Variants in TEAD1 observed in about 807,000 individuals in gnomAD.
TEAD1 encodes transcriptional enhancer factor TEF-1.
In TEAD1, 9 loss-of-function variants were observed where a neutral mutation model predicts 54.9. That is an observed-to-expected ratio of 0.16 (90% CI 0.10 to 0.29). TEAD1 has a LOEUF of 0.29. Among genes scored for constraint, TEAD1 ranks in the 10% least tolerant of loss-of-function variants. The probability of loss-of-function intolerance (pLI) is 1.00; values close to 1 mark genes in which losing one functional copy is unlikely to be tolerated. For synonymous variants in TEAD1, 200 were observed against 187.8 expected, an observed-to-expected ratio of 1.07 and a Z score of -0.53; for missense variants, 387 against 535.9, an observed-to-expected ratio of 0.72 and a Z score of 2.74.
At position 12,901,978 on chromosome 11, in the gene TEAD1, C is replaced by T. The variant is rs374784841; in HGVS notation, c.738C>T (p.Asn246=). The change falls in exon 10 of 13, where the codon AAC becomes AAT. Residue 246 remains asparagine, a synonymous_variant. Coordinates refer to ENST00000527636, the MANE Select transcript of TEAD1 (RefSeq NM_021961.6). ...TCTTCGTGCACATTGGGCATGCCAA[C>T]CATTCTTACAGTGACCCATTGCTTG... The T allele has an allele frequency of 1.9e-6, 3 of 1,614,212 alleles. No individual in the cohort carries two copies. Among genetic ancestry groups the T allele is most frequent in the Non-Finnish European group, 2.5e-6 (3 of 1,180,042 alleles).
At chr11:12,889,876 C>A (rs570395075) in intron 9 of TEAD1, among the ~76,000 whole-genome samples, 20 of 152,244 alleles carry the variant, frequency 1.3e-4, no homozygotes, top group Non-Finnish European at 2.4e-4. Flanking sequence ...CATGCACCAC[C>A]ACACCCAGCT....
chr11:12,901,614 T>C (rs1050853829), intron 9 of TEAD1, among the ~76,000 whole-genome samples: 2 of 152,176 alleles, frequency 1.3e-5, no homozygotes, highest in Non-Finnish European at 2.9e-5. Context: ...TCATTTTCAG[T>C]TGGGTCAGGT....
At position 12,678,555 on chromosome 11, in the gene TEAD1, G is replaced by C. The variant is rs577499401; in HGVS notation, c.-55+2994G>C. ...AAAAGTGATAAAATCAGGTAATTCA[G>C]GTCCATCCTACGCACTTCATATTCA... is the stretch of plus-strand genomic sequence containing the variant. On this transcript the variant is annotated intron_variant, in intron 2 of 12. Transcript: ENST00000527636. 1.1e-4 allele frequency among the ~76,000 whole-genome samples: 16 copies of C among 152,244 alleles called. No individual in the cohort carries two copies. The South Asian group carries it at 3.3e-3, about 32-fold the overall frequency.
chr11:12,799,477 C>T (rs1349383507), intron 3 of TEAD1, among the ~76,000 whole-genome samples: 1 of 152,090 alleles, frequency 6.6e-6, no homozygotes, highest in East Asian at 1.9e-4. Context: ...CTTGTGTTTC[C>T]CTCTGAAATT....
chr11:12,845,426 T>C (rs1417378239), intron 3 of TEAD1, among the ~76,000 whole-genome samples: 2 of 152,216 alleles, frequency 1.3e-5, no homozygotes, highest in Non-Finnish European at 2.9e-5. Context: ...GAAGTGTTAG[T>C]CTAGCACAGG....
chr11:12,789,909 G>A (rs1239925057), intron 3 of TEAD1, among the ~76,000 whole-genome samples: 4 of 152,260 alleles, frequency 2.6e-5, no homozygotes, highest in African/African-American at 9.6e-5. Context: ...CACCTTGGTG[G>A]GGGGCTGCTG....
intron 3 of TEAD1, among the ~76,000 whole-genome samples, chr11:12,795,744 C>T (rs1372047629): frequency 6.6e-6 from 1 of 152,144 alleles, no homozygotes; most frequent in Non-Finnish European, 1.5e-5. Flanking sequence ...TTAACAAGAT[C>T]CCCAGGTGAT....
intron 2 of TEAD1, among the ~76,000 whole-genome samples, chr11:12,742,991 G>A (rs1349498966): frequency 1.3e-5 from 2 of 152,228 alleles, no homozygotes; most frequent in Non-Finnish European, 2.9e-5. Flanking sequence ...TGGTCCAGCG[G>A]TGGGGCTGGG....
chr11:12,795,064 C>G (rs1037338952), intron 3 of TEAD1, among the ~76,000 whole-genome samples: 1 of 152,192 alleles, frequency 6.6e-6, no homozygotes, highest in Non-Finnish European at 1.5e-5. Flanking sequence ...TATTTTCTCA[C>G]AGTTCTGGAG....
intron 3 of TEAD1, among the ~76,000 whole-genome samples, chr11:12,775,229 GA>G (rs972176213): frequency 2.6e-5 from 4 of 152,156 alleles, no homozygotes; most frequent in Non-Finnish European, 5.9e-5. Flanking sequence ...AGAACAGGGG[GA>G]CGGGGAGCTC....
chr11:12,882,919 C>T, intron 8 of TEAD1, 82 bp from the exon 9 acceptor site: 4 of 1,608,544 alleles, frequency 2.5e-6, no homozygotes, highest in Non-Finnish European at 2.6e-6. Flanking sequence ...TCTGGGTCAT[C>T]TGTAGAGCCC....
At chr11:12,720,436 C>T (rs899672569) in intron 2 of TEAD1, among the ~76,000 whole-genome samples, 4 of 152,252 alleles carry the variant, frequency 2.6e-5, no homozygotes, top group East Asian at 1.9e-4. Flanking sequence ...GTAACTGCTG[C>T]AACAGATATC....
intron 10 of TEAD1, 96 bp downstream of exon 10, chr11:12,902,209 C>A: frequency 6.8e-7 from 1 of 1,478,978 alleles, no homozygotes; most frequent in Non-Finnish European, 9.5e-7. Flanking sequence ...TGGATTTACA[C>A]TGAGTGCACC....
rs941731653 is a variant in TEAD1, at chr11:12,878,912, C to A, written c.331-796C>A. The stretch of plus-strand genomic sequence containing the variant: ...AGGTAACAAGCATGGTAAGTATTTT[C>A]ACCAAACTGAGTATTCTGTATTTTA... On this transcript the variant is annotated intron_variant, in intron 5 of 12. Coordinates refer to ENST00000527636, the MANE Select transcript of TEAD1 (RefSeq NM_021961.6). The A allele has an allele frequency of 3.9e-6, 5 of 1,286,502 alleles. No homozygotes were observed. In the Admixed American group the frequency reaches 9.3e-5, roughly 24 times the overall value. The allele number at this position is 1,286,502 out of a possible 1,614,324, so 79.7% of individuals were successfully genotyped here.
intron 3 of TEAD1, among the ~76,000 whole-genome samples, chr11:12,796,745 C>G (rs939542071): frequency 6.6e-6 from 1 of 151,350 alleles, no homozygotes; most frequent in Non-Finnish European, 1.5e-5. Context: ...AAAAATTTAG[C>G]AATTCTTGTT....
Position 12,864,583 on chromosome 11 carries a change from T to G in TEAD1, c.268-255T>G, listed in dbSNP as rs1040971109. On this transcript the variant is annotated intron_variant, in intron 4 of 12. Transcript: ENST00000527636. ...ACCCCCCAACCCCACCCCAAAACCCTCCCAAAGAGTAGCGATTTTATATTT... is the reference window on the plus strand; with the variant it reads ...ACCCCCCAACCCCACCCCAAAACCCGCCCAAAGAGTAGCGATTTTATATTT... 6 of 657,746 alleles carry G rather than the reference T, an allele frequency of 9.1e-6. No individual in the cohort carries two copies. The African/African-American group carries it at 1.1e-4, about 13-fold the overall frequency. The allele number at this position is 657,746 out of a possible 1,614,324, so 40.7% of individuals were successfully genotyped here.
At chr11:12,806,497 C>G (rs886559692) in intron 3 of TEAD1, among the ~76,000 whole-genome samples, 2 of 151,796 alleles carry the variant, frequency 1.3e-5, no homozygotes, top group African/African-American at 2.4e-5. Context: ...GTGAAGTGTC[C>G]TCTTGATCCT....
chr11:12,832,934 A>G (rs1946812222), intron 3 of TEAD1, among the ~76,000 whole-genome samples: 1 of 152,214 alleles, frequency 6.6e-6, no homozygotes, highest in African/African-American at 2.4e-5. Context: ...TCAGGGGACC[A>G]CTAATAACTA....
intron 3 of TEAD1, among the ~76,000 whole-genome samples, chr11:12,793,556 T>A (rs187001900): frequency 6.6e-6 from 1 of 152,234 alleles, no homozygotes; most frequent in Non-Finnish European, 1.5e-5. Flanking sequence ...AGTTTTTCCT[T>A]TAGAGTATTG....
Sources: allele counts gnomAD v4.1 joint callset (sites outside exome capture counted in the v4.1 genomes callset), GRCh38; gene constraint gnomAD v4.1.1; transcripts MANE v1.5; gene names NCBI Gene and HGNC (gene_info 2026-07-23, HGNC 2026-07-21).